HCK: variants seen among roughly 807,000 people sequenced by gnomAD.
The protein encoded by HCK is HCK proto-oncogene, Src family tyrosine kinase, also known as tyrosine-protein kinase HCK.
A neutral mutation model predicts 70.4 loss-of-function variants in HCK; 40 were observed. That is an observed-to-expected ratio of 0.57 (90% CI 0.44 to 0.74). HCK has a LOEUF of 0.74. Among genes scored for constraint, HCK ranks in the 30% least tolerant of loss-of-function variants. The pLI is 0.00. For missense variants in HCK, 568 were observed against 697.2 expected (o/e 0.81, Z 2.09); for synonymous variants, 245 against 263.2 (o/e 0.93, Z 0.67).
intron 1 of HCK, among the ~76,000 whole-genome samples, chr20:32,054,056 T>C (rs1351758347): frequency 1.3e-5 from 2 of 151,834 alleles, no homozygotes; most frequent in Non-Finnish European, 1.5e-5. Flanking sequence ...GATAATAATA[T>C]ATTAGATGTC....
Position 32,088,563 on chromosome 20 carries a change from T to C in HCK, c.1016-5T>C, listed in dbSNP as rs2045821303. On this transcript the variant is annotated splice_region_variant and splice_polypyrimidine_tract_variant and intron_variant, in intron 9 of 12. Coordinates refer to ENST00000375852, the MANE Select transcript of HCK (RefSeq NM_002110.5). Reference sequence around the variant, plus strand: ...GTAAATGTTCCTCCCCTCTCCCCCATATAGGAAGCTTGCTGGACTTTCTGA... The same window carrying C: ...GTAAATGTTCCTCCCCTCTCCCCCACATAGGAAGCTTGCTGGACTTTCTGA... 1 of 1,610,102 alleles carries C rather than the reference T, an allele frequency of 6.2e-7. No individual in the cohort carries two copies.
In HCK at chr20:32,079,846, C is replaced by A. The variant is rs1472264891; in HGVS notation, c.501C>A (p.Ser167=). 1 of 1,613,896 alleles carries A rather than the reference C, an allele frequency of 6.2e-7. No homozygotes were observed. The highest frequency in any genetic ancestry group is 1.3e-5 in the African/African-American group (1 of 74,948). Residue 167 remains serine (S), a synonymous_variant, in exon 6 of 13, where the codon TCC becomes TCA. Transcript: ENST00000375852. ...TGGCTCCCGGCAACATGCTGGGCTC[C>A]TTCATGATCCGGGATAGCGAGACCA... is the stretch of plus-strand genomic sequence containing the variant.
At chr20:32,099,827 G>A (rs1290947495) in intron 12 of HCK, among the ~76,000 whole-genome samples, 1 of 151,476 alleles carries the variant, frequency 6.6e-6, no homozygotes, top group Admixed American at 6.6e-5. Flanking sequence ...CTCCCTCCTC[G>A]TCCTACAGCC....
chr20:32,070,645 T>C (rs1200686319), intron 1 of HCK, among the ~76,000 whole-genome samples: 3 of 152,154 alleles, frequency 2.0e-5, no homozygotes, highest in Middle Eastern at 3.2e-3. Context: ...GCATCCTCTC[T>C]TATTGTCCTC....
chr20:32,061,262 G>A (rs1010368686), intron 1 of HCK, among the ~76,000 whole-genome samples: 8 of 152,344 alleles, frequency 5.3e-5, no homozygotes, highest in Non-Finnish European at 8.8e-5. Flanking sequence ...GATTACAGGC[G>A]TGAGCCACTG....
In HCK at chr20:32,094,036, A is replaced by C. The variant is rs893104165; in HGVS notation, c.1246+20A>C. 8.1e-6 allele frequency: 13 copies of C among 1,602,278 alleles called. No individual in the cohort carries two copies. Among genetic ancestry groups the C allele is most frequent in the Middle Eastern group, 1.7e-4 (1 of 6,004 alleles). ...GGGAAGGTAGGGAACGCTGCCAAGC[A>C]GCCCCACGTTGCCCATTTGGATGCT... On this transcript the variant is annotated intron_variant, in intron 11 of 12. Coordinates refer to ENST00000375852, the MANE Select transcript of HCK (RefSeq NM_002110.5).
chr20:32,101,815 A>C lies in HCK; in HGVS notation c.*296A>C. On this transcript the variant is annotated 3_prime_UTR_variant, in exon 13 of 13. Coordinates refer to ENST00000375852, the MANE Select transcript of HCK (RefSeq NM_002110.5). ...GGAAACTTTCAAAATAGTGAAATGA[A>C]TATTTAAATAAAAGATATAAATGCC... 1 of 294,060 alleles carries C rather than the reference A, an allele frequency of 3.4e-6. No homozygotes were observed. Among genetic ancestry groups the C allele is most frequent in the Non-Finnish European group, 6.4e-6 (1 of 156,446 alleles). The allele number at this position is 294,060 out of a possible 1,614,324, so 18.2% of individuals were successfully genotyped here.
At chr20:32,060,935 C>T (rs1026823573) in intron 1 of HCK, among the ~76,000 whole-genome samples, 4 of 149,592 alleles carry the variant, frequency 2.7e-5, no homozygotes, top group South Asian at 2.1e-4. Flanking sequence ...AAAAGGAGGA[C>T]GTGTCTTGGA....
At chr20:32,068,406 G>GA (rs1451275311) in intron 1 of HCK, among the ~76,000 whole-genome samples, 1 of 149,546 alleles carries the variant, frequency 6.7e-6, no homozygotes, top group Non-Finnish European at 1.5e-5. Flanking sequence ...TTTAAAAAAG[G>GA]AAAAAATAAA....
At chr20:32,092,973 C>A (rs1265454131) in intron 10 of HCK, among the ~76,000 whole-genome samples, 1 of 152,066 alleles carries the variant, frequency 6.6e-6, no homozygotes, top group East Asian at 1.9e-4. Flanking sequence ...GAGACAGAGT[C>A]TTGCTCTGTC....
chr20:32,092,956 TC>T (rs1385343767), intron 10 of HCK, among the ~76,000 whole-genome samples: 3 of 152,246 alleles, frequency 2.0e-5, no homozygotes, highest in Admixed American at 6.5e-5. Flanking sequence ...ATCTTTTTTT[TC>T]TTTTTGAGAC....
intron 11 of HCK, 61 bp downstream of exon 11, chr20:32,094,077 T>C (rs2045901761): frequency 6.6e-7 from 1 of 1,517,856 alleles, no homozygotes. Flanking sequence ...GTGTTGAGAG[T>C]TGATACTTGT....
rs1346151904 is a variant in HCK at position 32,088,594 on chromosome 20, G to C, written c.1042G>C (p.Asp348His). Residue 348 changes from aspartate to histidine, a missense_variant, in exon 10 of 13, where the codon GAT becomes CAT. Physicochemically the swap from Asp to His is moderately conservative, Grantham distance 81 (BLOSUM62 -1). Around this residue, in one of 4 missense-constraint regions of HCK, gnomAD observed 160 missense variants for 237.5 expected, o/e 0.67. Transcript: ENST00000375852. ...AAGCTTGCTGGACTTTCTGAAAAGT[G>C]ATGAGGGCAGCAAGCAGCCATTGCC... The C allele has an allele frequency of 8.1e-6, 13 of 1,613,842 alleles. No homozygotes were observed. Among genetic ancestry groups the C allele is most frequent in the African/African-American group, 1.3e-5 (1 of 74,892 alleles).
chr20:32,079,996 G>A, intron 6 of HCK, 119 bp downstream of exon 6: 1 of 733,130 alleles, frequency 1.4e-6, no homozygotes, highest in Non-Finnish European at 2.4e-6. Context: ...AGGTGCTGTG[G>A]CTGCCAGGTT....
At chr20:32,052,520 G>C (rs1286570425) in intron 1 of HCK, 34 bp downstream of exon 1, 16 of 1,250,688 alleles carry the variant, frequency 1.3e-5, no homozygotes, top group Non-Finnish European at 1.6e-5. Context: ...GGGAATACCC[G>C]GCCCGCGAGG....
intron 5 of HCK, among the ~76,000 whole-genome samples, chr20:32,077,548 T>C (rs2045644855): frequency 6.6e-6 from 1 of 152,158 alleles, no homozygotes; most frequent in South Asian, 2.1e-4. Flanking sequence ...GTTTTTTAGG[T>C]GGAGTTTCTC....
In HCK at chr20:32,065,404, T is replaced by A. The variant is rs73906723; in HGVS notation, c.63-6258T>A. ...AATTGGCTTAAGCAAAATTGATAAT[T>A]TATTTGCTCGTGGACTGGAAAAATC... is the stretch of plus-strand genomic sequence containing the variant. On this transcript the variant is annotated intron_variant, in intron 1 of 12. Transcript: ENST00000375852. 2.2e-3 allele frequency among the ~76,000 whole-genome samples: 330 copies of A among 152,272 alleles called. 2 individuals are homozygous for A. The highest frequency in any genetic ancestry group is 7.2e-3 in the African/African-American group (299 of 41,538).
chr20:32,060,120 G>A (rs6061144), intron 1 of HCK, among the ~76,000 whole-genome samples: 17 of 152,210 alleles, frequency 1.1e-4, no homozygotes, highest in African/African-American at 2.9e-4. Context: ...TCCACTCAGC[G>A]GCAGCCAAGG....
chr20:32,084,313 G>A, intron 7 of HCK, 78 bp from the exon 8 acceptor site: 3 of 1,459,040 alleles, frequency 2.1e-6, no homozygotes, highest in Middle Eastern at 1.8e-4. Context: ...CAGTGGACCA[G>A]GTAGGGCGGC....
Sources: allele counts gnomAD v4.1 joint callset (sites outside exome capture counted in the v4.1 genomes callset), GRCh38; gene constraint gnomAD v4.1.1; regional missense constraint gnomAD v4.1.1; transcripts MANE v1.5; gene names NCBI Gene and HGNC (gene_info 2026-07-23, HGNC 2026-07-21).